DYTN: variants seen among roughly 807,000 people sequenced by gnomAD.
DYTN encodes dystrotelin.
Under a neutral mutation model 69.6 loss-of-function variants are expected in DYTN, and 75 were observed. The observed-to-expected ratio is 1.08, with a 90% CI of 0.89 to 1.31. The LOEUF (loss-of-function observed/expected upper bound fraction) is 1.31, where lower values mean the gene tolerates loss of function less well. Ranked by LOEUF, DYTN falls within the 50% of genes most tolerant of loss-of-function variation. DYTN has a pLI of 0.00. For synonymous variants in DYTN, 252 were observed against 249.1 expected (o/e 1.01, Z -0.11); for missense variants, 726 against 688.4 (o/e 1.05, Z -0.61).
At position 206,663,377 on chromosome 2, in the gene DYTN, C is replaced by A. The variant is rs754984789; in HGVS notation, c.1159G>T (p.Gly387Cys). The change falls in exon 11 of 12, where the codon GGT becomes TGT. Residue 387 changes from glycine to cysteine, a missense_variant. Coordinates refer to ENST00000452335, the MANE Select transcript of DYTN (RefSeq NM_001093730.1). ...TTTTGAAAGGAAGAAGATGAAGGAC[C>A]GGGTGGCTGCAACCTTGCCTGGGGA... is the stretch of plus-strand genomic sequence containing the variant. ...RDLQARLQPPGPSSSSFQNVG... is the reference protein window; with the variant it reads ...RDLQARLQPPCPSSSSFQNVG... 1.3e-6 allele frequency: 2 copies of A among 1,597,498 alleles called. No homozygotes were observed. Among genetic ancestry groups the A allele is most frequent in the Non-Finnish European group, 8.5e-7 (1 of 1,172,218 alleles).
chr2:206,715,772 G>T (rs774901240), intron 1 of DYTN, among the ~76,000 whole-genome samples: 1 of 152,146 alleles, frequency 6.6e-6, no homozygotes, highest in Non-Finnish European at 1.5e-5. Context: ...CTGTAGGCAA[G>T]TTGGAACAAG....
At chr2:206,664,317 G>T (rs753964871) in intron 10 of DYTN, among the ~76,000 whole-genome samples, 4 of 152,116 alleles carry the variant, frequency 2.6e-5, no homozygotes, top group African/African-American at 7.2e-5. Flanking sequence ...TGAACAAAGC[G>T]AGAATGTCAC....
At chr2:206,653,780 A>G (rs555651869) in intron 11 of DYTN, among the ~76,000 whole-genome samples, 2 of 152,292 alleles carry the variant, frequency 1.3e-5, no homozygotes, top group East Asian at 3.9e-4. Context: ...CTCTCAGGCA[A>G]TTCACAATAC....
At chr2:206,716,806 G>A (rs1212964764) in intron 1 of DYTN, among the ~76,000 whole-genome samples, 1 of 152,060 alleles carries the variant, frequency 6.6e-6, no homozygotes, top group African/African-American at 2.4e-5. Context: ...CAGACAAGGG[G>A]CTCTGCAAGT....
chr2:206,672,688 A>C (rs1699642836), intron 9 of DYTN, among the ~76,000 whole-genome samples: 1 of 152,360 alleles, frequency 6.6e-6, no homozygotes, highest in African/African-American at 2.4e-5. Flanking sequence ...TTCTCTGACT[A>C]TTACAGATGA....
chr2:206,680,479 CA>C (rs1269293030), intron 9 of DYTN, among the ~76,000 whole-genome samples: 1 of 152,084 alleles, frequency 6.6e-6, no homozygotes, highest in Non-Finnish European at 1.5e-5. Context: ...TTTTAAAAAA[CA>C]AGGAAATCAT....
intron 9 of DYTN, among the ~76,000 whole-genome samples, chr2:206,688,430 C>G (rs1201386122): frequency 6.6e-6 from 1 of 151,994 alleles, no homozygotes; most frequent in South Asian, 2.1e-4. Context: ...CAACAAAAAG[C>G]ACAAATATAA....
intron 8 of DYTN, 33 bp downstream of exon 8, chr2:206,694,733 A>G: frequency 6.5e-7 from 1 of 1,542,374 alleles, no homozygotes. Flanking sequence ...GAATTGATTA[A>G]TGAATAGTTT....
chr2:206,716,966 G>C (rs536099519), intron 1 of DYTN, among the ~76,000 whole-genome samples: 2 of 151,834 alleles, frequency 1.3e-5, no homozygotes, highest in African/African-American at 4.8e-5. Flanking sequence ...CATGGAAAAT[G>C]AATGAGGAGC....
At chr2:206,697,529 A>G (rs1391302695) in intron 7 of DYTN, among the ~76,000 whole-genome samples, 1 of 152,192 alleles carries the variant, frequency 6.6e-6, no homozygotes, top group Non-Finnish European at 1.5e-5. Flanking sequence ...TTGAGATCCC[A>G]AAACATAAGT....
chr2:206,671,645 T>C (rs1699631195), intron 9 of DYTN, among the ~76,000 whole-genome samples: 1 of 152,232 alleles, frequency 6.6e-6, no homozygotes, highest in African/African-American at 2.4e-5. Flanking sequence ...ACATATGCTA[T>C]AAACTTATTT....
intron 9 of DYTN, among the ~76,000 whole-genome samples, chr2:206,667,661 G>A (rs1699587660): frequency 1.3e-5 from 2 of 149,866 alleles, no homozygotes; most frequent in African/African-American, 4.9e-5. Flanking sequence ...TTAATTAATT[G>A]CTTATTGTCT....
intron 9 of DYTN, among the ~76,000 whole-genome samples, chr2:206,687,527 AC>A (rs1559312139): frequency 2.6e-5 from 4 of 152,268 alleles, no homozygotes; most frequent in South Asian, 4.1e-4. Context: ...ATTTACCATA[AC>A]AAAATGTTTA....
chr2:206,684,202 A>T (rs1320122803), intron 9 of DYTN, among the ~76,000 whole-genome samples: 4 of 152,214 alleles, frequency 2.6e-5, no homozygotes, highest in Non-Finnish European at 5.9e-5. Context: ...TTTCAAGAGC[A>T]TCTATGTTCT....
At chr2:206,715,296 A>G (rs567503095) in intron 1 of DYTN, among the ~76,000 whole-genome samples, 3 of 152,264 alleles carry the variant, frequency 2.0e-5, no homozygotes, top group East Asian at 1.9e-4. Flanking sequence ...AGGATTTCCC[A>G]GCCTCCTTGG....
At chr2:206,676,481 G>A (rs1319300756) in intron 9 of DYTN, among the ~76,000 whole-genome samples, 2 of 152,114 alleles carry the variant, frequency 1.3e-5, no homozygotes, top group African/African-American at 2.4e-5. Context: ...TAACGCATGC[G>A]GGGCCTAAAA....
At chr2:206,666,180 G>C (rs759572503) in intron 9 of DYTN, among the ~76,000 whole-genome samples, 151 bp from the exon 10 acceptor site, 3 of 151,988 alleles carry the variant, frequency 2.0e-5, no homozygotes, top group Admixed American at 2.0e-4. Context: ...ATGGAGCCTC[G>C]CTCTGTCACC....
At chr2:206,652,769 A>G (rs1460123588) in intron 11 of DYTN, among the ~76,000 whole-genome samples, 2 of 152,212 alleles carry the variant, frequency 1.3e-5, no homozygotes, top group East Asian at 3.9e-4. Flanking sequence ...AGACATACAT[A>G]TGTGCATAGA....
chr2:206,690,429 A>C (rs1188646696), intron 9 of DYTN, among the ~76,000 whole-genome samples: 2 of 152,178 alleles, frequency 1.3e-5, no homozygotes, highest in Non-Finnish European at 2.9e-5. Flanking sequence ...AAGGCCACAA[A>C]AAAGTTTGTG....
Sources: allele counts gnomAD v4.1 joint callset (sites outside exome capture counted in the v4.1 genomes callset), GRCh38; gene constraint gnomAD v4.1.1; transcripts MANE v1.5; gene names NCBI Gene and HGNC (gene_info 2026-07-23, HGNC 2026-07-21).